Variants in MACROD2 observed in about 807,000 individuals in gnomAD.
MACROD2 encodes the protein mono-ADP ribosylhydrolase 2.
Under a neutral mutation model 70.4 loss-of-function variants are expected in MACROD2, and 36 were observed. The observed-to-expected ratio is 0.51, with a 90% CI of 0.39 to 0.68. The LOEUF is 0.68. MACROD2 is among the 30% of genes least tolerant of loss of function. MACROD2 has a pLI of 0.00. For synonymous variants in MACROD2, 172 were observed against 178.8 expected, an observed-to-expected ratio of 0.96 and a Z score of 0.30; for missense variants, 496 against 538.4, an observed-to-expected ratio of 0.92 and a Z score of 0.78.
At chr20:15,735,574 A>G (rs1163262441) in intron 8 of MACROD2, among the ~76,000 whole-genome samples, 1 of 152,194 alleles carries the variant, frequency 6.6e-6, no homozygotes, top group African/African-American at 2.4e-5. Flanking sequence ...GGTCAGCTCA[A>G]TAAATGGAAT....
chr20:14,405,175 G>A (rs529211430), intron 3 of MACROD2, among the ~76,000 whole-genome samples: 2 of 152,108 alleles, frequency 1.3e-5, no homozygotes, highest in African/African-American at 4.8e-5. Flanking sequence ...AGTAATTTAT[G>A]TACTAAGCTA....
At chr20:15,147,047 T>C (rs986865509) in intron 5 of MACROD2, among the ~76,000 whole-genome samples, 21 of 152,264 alleles carry the variant, frequency 1.4e-4, no homozygotes, top group East Asian at 1.9e-4. Context: ...ATTGGCCTTA[T>C]GTAAATAAAT....
chr20:14,835,338 G>T (rs550923695), intron 5 of MACROD2, among the ~76,000 whole-genome samples: 1 of 151,956 alleles, frequency 6.6e-6, no homozygotes, highest in African/African-American at 2.4e-5. Flanking sequence ...AGTTAACATC[G>T]GTTCATATGG....
At chr20:15,073,507 ACACG>A (rs2075634883) in intron 5 of MACROD2, among the ~76,000 whole-genome samples, 1 of 143,912 alleles carries the variant, frequency 6.9e-6, no homozygotes, top group African/African-American at 2.7e-5. Context: ...ACACACACAC[ACACG>A]TACCACATTT....
intron 5 of MACROD2, among the ~76,000 whole-genome samples, chr20:14,967,582 A>C (rs1255313063): frequency 6.6e-6 from 1 of 152,086 alleles, no homozygotes; most frequent in African/African-American, 2.4e-5. Context: ...TCACTCTCTT[A>C]GTGTCAACTT....
intron 12 of MACROD2, among the ~76,000 whole-genome samples, chr20:15,953,818 T>C (rs1414192109): frequency 6.6e-6 from 1 of 152,156 alleles, no homozygotes; most frequent in Non-Finnish European, 1.5e-5. Context: ...AAAATCATAT[T>C]TGAAGTCGTT....
chr20:14,099,306 C>G (rs1269594579), intron 3 of MACROD2, among the ~76,000 whole-genome samples: 2 of 151,680 alleles, frequency 1.3e-5, no homozygotes, highest in Non-Finnish European at 2.9e-5. Flanking sequence ...AGAATGTTAC[C>G]AGTACCCCAG....
chr20:15,216,590 G>A (rs998674682), intron 5 of MACROD2, among the ~76,000 whole-genome samples: 3 of 152,002 alleles, frequency 2.0e-5, no homozygotes, highest in Non-Finnish European at 2.9e-5. Context: ...GTAGTATTAC[G>A]GAAGTCTCCA....
intron 3 of MACROD2, among the ~76,000 whole-genome samples, chr20:14,143,889 G>A (rs1405263695): frequency 6.6e-6 from 1 of 152,098 alleles, no homozygotes; most frequent in African/African-American, 2.4e-5. Flanking sequence ...ATATATAGAT[G>A]AAAGACTGGA....
chr20:15,683,892 G>T (rs530855653), intron 8 of MACROD2, among the ~76,000 whole-genome samples: 22 of 152,078 alleles, frequency 1.4e-4, no homozygotes, highest in African/African-American at 4.8e-4. Flanking sequence ...TTAGCTTGCT[G>T]TTATCATTAT....
At chr20:15,253,226 C>T (rs1180469421) in intron 6 of MACROD2, among the ~76,000 whole-genome samples, 2 of 152,144 alleles carry the variant, frequency 1.3e-5, no homozygotes, top group Non-Finnish European at 2.9e-5. Flanking sequence ...TGTAGGACCA[C>T]CACTAACCAT....
At chr20:16,013,373 A>G (rs1393434823) in intron 15 of MACROD2, among the ~76,000 whole-genome samples, 1 of 152,196 alleles carries the variant, frequency 6.6e-6, no homozygotes, top group African/African-American at 2.4e-5. Context: ...TAGAAATTGT[A>G]AAGACTTGAC....
At chr20:15,210,802 G>A (rs908979977) in intron 5 of MACROD2, among the ~76,000 whole-genome samples, 1 of 152,066 alleles carries the variant, frequency 6.6e-6, no homozygotes, top group African/African-American at 2.4e-5. Context: ...CATGTAAGAT[G>A]TACCTGCTTC....
intron 8 of MACROD2, among the ~76,000 whole-genome samples, chr20:15,772,009 C>T (rs1252858259): frequency 4.1e-5 from 6 of 145,830 alleles, no homozygotes; most frequent in East Asian, 2.0e-4. Context: ...GGCATGAACC[C>T]GGGAGGCAGA....
intron 8 of MACROD2, among the ~76,000 whole-genome samples, chr20:15,639,470 C>A (rs1321238580): frequency 6.6e-6 from 1 of 152,150 alleles, no homozygotes; most frequent in African/African-American, 2.4e-5. Flanking sequence ...TCTCCTCAGC[C>A]CCCACTGTAG....
chr20:14,387,295 C>T (rs1235945782), intron 3 of MACROD2, among the ~76,000 whole-genome samples: 1 of 152,080 alleles, frequency 6.6e-6, no homozygotes, highest in African/African-American at 2.4e-5. Flanking sequence ...AAATTCTTCC[C>T]CCTCTCCAAG....
chr20:14,894,710 C>T (rs1185466706), intron 5 of MACROD2: 1 of 151,972 alleles, frequency 6.6e-6, no homozygotes, highest in Admixed American at 6.6e-5. Context: ...AGTCAAATAG[C>T]AAATAACATA....
Position 14,119,020 on chromosome 20 carries a change from A to AT in MACROD2, c.271+33299dup, listed in dbSNP as rs1446270299. Among the ~76,000 whole-genome samples, 415 of 149,910 alleles carry AT rather than the reference A, an allele frequency of 2.8e-3. 2 individuals are homozygous for AT. The highest frequency in any genetic ancestry group is 9.5e-3 in the African/African-American group (387 of 40,768). On this transcript the variant is annotated intron_variant, in intron 3 of 17. Coordinates refer to ENST00000684519, the MANE Select transcript of MACROD2 (RefSeq NM_001351661.2). The stretch of plus-strand genomic sequence containing the variant: ...GCCACCATGCTTGGCTAATTTTTGT[A>AT]TTTTTTTAGTAGAGAAGGGATTTCA...
chr20:14,966,598 C>A (rs1264729125), intron 5 of MACROD2, among the ~76,000 whole-genome samples: 2 of 152,148 alleles, frequency 1.3e-5, no homozygotes, highest in Non-Finnish European at 2.9e-5. Context: ...CATCACCCTT[C>A]TCATTTCATC....
Sources: allele counts gnomAD v4.1 joint callset (sites outside exome capture counted in the v4.1 genomes callset), GRCh38; gene constraint gnomAD v4.1.1; transcripts MANE v1.5; gene names NCBI Gene and HGNC (gene_info 2026-07-23, HGNC 2026-07-21).